Variants in THSD4 observed in about 807,000 individuals in gnomAD.
The protein encoded by THSD4 is thrombospondin type-1 domain-containing protein 4.
In THSD4, 69 loss-of-function variants were observed where a neutral mutation model predicts 119.0. That is an observed-to-expected ratio of 0.58 (90% CI 0.48 to 0.71). THSD4 has a LOEUF of 0.71. Ranked by LOEUF, THSD4 falls within the 30% of genes least tolerant of loss-of-function variation. The pLI, the probability that THSD4 is intolerant of heterozygous loss-of-function variation, is 0.00. For synonymous variants in THSD4, 524 were observed against 540.4 expected (o/e 0.97, Z 0.42); for missense variants, 1,393 against 1,391.1 (o/e 1.00, Z -0.02).
Position 71,233,924 on chromosome 15 carries a change from T to G in THSD4, c.465-8725T>G, listed in dbSNP as rs528569338. 1.3e-3 allele frequency among the ~76,000 whole-genome samples: 205 copies of G among 152,226 alleles called. 2 individuals carry two copies. The highest frequency in any genetic ancestry group is 3.4e-3 in the Middle Eastern group (1 of 294). ...TCTCTCCTCCCCTCTTCCCAGGAGG[T>G]GTGACCTGGATCCCCTGGTGAGGGG... On this transcript the variant is annotated intron_variant, in intron 4 of 17. Transcript: ENST00000261862.
chr15:71,107,777 G>A (rs1250855671), intron 1 of THSD4, among the ~76,000 whole-genome samples: 1 of 152,200 alleles, frequency 6.6e-6, no homozygotes, highest in African/African-American at 2.4e-5. Context: ...ATGCTAATGG[G>A]GAAGGCACAG....
chr15:71,649,220 C>T (rs2051033961), intron 7 of THSD4, among the ~76,000 whole-genome samples: 1 of 152,138 alleles, frequency 6.6e-6, no homozygotes, highest in Non-Finnish European at 1.5e-5. Flanking sequence ...CTCTCTCCAG[C>T]ACTGGAAGCA....
chr15:71,111,305 A>G (rs2040303054), upstream of THSD4: 1 of 1,613,956 alleles, frequency 6.2e-7, no homozygotes, highest in Non-Finnish European at 8.5e-7. Context: ...CATTTTGCTC[A>G]TGTCCTCAGA....
intron 7 of THSD4, among the ~76,000 whole-genome samples, chr15:71,575,697 G>A (rs1008315288): frequency 1.3e-5 from 2 of 152,170 alleles, no homozygotes; most frequent in African/African-American, 2.4e-5. Flanking sequence ...TCTCTAAAGT[G>A]GAGCTGCTAG....
chr15:71,201,551 T>C (rs2043803702), intron 3 of THSD4, among the ~76,000 whole-genome samples: 1 of 152,242 alleles, frequency 6.6e-6, no homozygotes, highest in Non-Finnish European at 1.5e-5. Context: ...TGTAATTGAC[T>C]GTGAGCATTG....
intron 2 of THSD4, among the ~76,000 whole-genome samples, chr15:71,153,294 T>G (rs1480135673): frequency 6.6e-6 from 1 of 152,146 alleles, no homozygotes; most frequent in Non-Finnish European, 1.5e-5. Context: ...AACTCCATCC[T>G]CCAGCCTCCT....
intron 7 of THSD4, among the ~76,000 whole-genome samples, chr15:71,566,738 C>G (rs1436026871): frequency 6.6e-6 from 1 of 151,862 alleles, no homozygotes; most frequent in African/African-American, 2.4e-5. Context: ...CAGGGCCCCC[C>G]CTCTTTCCCC....
intron 8 of THSD4, among the ~76,000 whole-genome samples, chr15:71,712,097 A>T (rs2052528449): frequency 6.6e-6 from 1 of 152,196 alleles, no homozygotes; most frequent in African/African-American, 2.4e-5. Context: ...ACTAAAATAA[A>T]CTATATTCTG....
chr15:71,780,977 T>G lies in THSD4; in HGVS notation c.*3603T>G. 1 of 348,312 alleles carries G rather than the reference T, an allele frequency of 2.9e-6. No homozygotes were observed. Among genetic ancestry groups the G allele is most frequent in the South Asian group, 2.2e-5 (1 of 44,580 alleles). 21.6% of individuals were successfully genotyped at this position (348,312 alleles called of 1,614,324 possible). A position where few individuals can be genotyped will look rare whatever the true frequency, so the allele number is the denominator to read the frequency against. ...TCTTTTCATTCGGATAGCCACTTTA[T>G]AGTTGGAATATCAATTCTAATGAGG... On this transcript the variant is annotated 3_prime_UTR_variant, in exon 18 of 18. Coordinates refer to ENST00000261862, the MANE Select transcript of THSD4 (RefSeq NM_024817.3).
At chr15:71,714,331 C>T (rs1421987508) in intron 8 of THSD4, among the ~76,000 whole-genome samples, 1 of 152,078 alleles carries the variant, frequency 6.6e-6, no homozygotes, top group African/African-American at 2.4e-5. Context: ...AAAACAGTGC[C>T]TGACACATAG....
chr15:71,302,296 A>G (rs1251622956), intron 6 of THSD4, among the ~76,000 whole-genome samples: 1 of 152,134 alleles, frequency 6.6e-6, no homozygotes, highest in Non-Finnish European at 1.5e-5. Context: ...CTGAGACCCA[A>G]ATAGAGAAGA....
chr15:71,112,661 A>G (rs2040315263), upstream of THSD4, among the ~76,000 whole-genome samples: 1 of 152,222 alleles, frequency 6.6e-6, no homozygotes, highest in Non-Finnish European at 1.5e-5. Flanking sequence ...AGCACAGGCT[A>G]GCCTTTGACT....
intron 7 of THSD4, among the ~76,000 whole-genome samples, chr15:71,517,179 A>C (rs149441026): frequency 6.6e-5 from 10 of 152,210 alleles, no homozygotes; most frequent in Non-Finnish European, 1.5e-4. Context: ...TCTTTCATTG[A>C]CCACTGTCCA....
chr15:71,369,185 T>A (rs1399911340), intron 6 of THSD4, among the ~76,000 whole-genome samples: 15 of 152,330 alleles, frequency 9.8e-5, no homozygotes, highest in Non-Finnish European at 1.5e-4. Context: ...TTTTGGGCTG[T>A]GACAATGGGG....
At chr15:71,406,435 A>AT (rs1453821307) in intron 6 of THSD4, among the ~76,000 whole-genome samples, 9 of 152,052 alleles carry the variant, frequency 5.9e-5, no homozygotes, top group African/African-American at 2.2e-4. Flanking sequence ...GTCTCAGTCT[A>AT]ATTGGTTTAT....
chr15:71,266,935 CAA>C (rs2044471417), intron 6 of THSD4, among the ~76,000 whole-genome samples: 1 of 152,042 alleles, frequency 6.6e-6, no homozygotes, highest in African/African-American at 2.4e-5. Flanking sequence ...AAGGAATGAA[CAA>C]AGCCTCCAAG....
intron 7 of THSD4, among the ~76,000 whole-genome samples, chr15:71,609,750 G>T (rs1283799014): frequency 6.6e-6 from 1 of 151,584 alleles, no homozygotes; most frequent in Non-Finnish European, 1.5e-5. Context: ...TACTCGGGAG[G>T]CTGAGGCAGG....
intron 4 of THSD4, among the ~76,000 whole-genome samples, chr15:71,231,047 C>A (rs574132187): frequency 1.3e-5 from 2 of 152,238 alleles, no homozygotes; most frequent in Non-Finnish European, 2.9e-5. Context: ...CTCACTTGTC[C>A]GTATTCCACT....
Position 71,208,654 on chromosome 15 carries a change from G to A in THSD4, c.100-6381G>A, listed in dbSNP as rs1161755060. Among the ~76,000 whole-genome samples, 11 of 152,130 alleles carry A rather than the reference G, an allele frequency of 7.2e-5. No homozygotes were observed. The South Asian group carries it at 1.5e-3, about 20-fold the overall frequency. ...ACCCTCCTGAGTAGCTGGGATTACAGGCACCCACTACCATGCCCAGCTAAT... is the reference window on the plus strand; with the variant it reads ...ACCCTCCTGAGTAGCTGGGATTACAAGCACCCACTACCATGCCCAGCTAAT... On this transcript the variant is annotated intron_variant, in intron 3 of 17. Transcript: ENST00000261862.
Sources: allele counts gnomAD v4.1 joint callset (sites outside exome capture counted in the v4.1 genomes callset), GRCh38; gene constraint gnomAD v4.1.1; transcripts MANE v1.5; gene names NCBI Gene and HGNC (gene_info 2026-07-23, HGNC 2026-07-21).